The following PHLPP1 variants were observed in gnomAD, a reference collection of about 807,000 sequenced individuals.
The protein encoded by PHLPP1 is PH domain and leucine rich repeat protein phosphatase 1.
A neutral mutation model predicts 117.2 loss-of-function variants in PHLPP1; 42 were observed. That is an observed-to-expected ratio of 0.36 (90% CI 0.28 to 0.46). The LOEUF (loss-of-function observed/expected upper bound fraction) is 0.46, where lower values mean the gene tolerates loss of function less well. Among genes scored for constraint, PHLPP1 ranks in the 20% least tolerant of loss-of-function variants. The pLI is 1.00. For synonymous variants in PHLPP1, 1,042 were observed against 970.7 expected (o/e 1.07, Z -1.37); for missense variants, 2,084 against 2,241.9 (o/e 0.93, Z 1.42).
chr18:62,816,250 A>G (rs943457778), intron 1 of PHLPP1, among the ~76,000 whole-genome samples: 1 of 152,150 alleles, frequency 6.6e-6, no homozygotes, highest in Non-Finnish European at 1.5e-5. Flanking sequence ...ATTAATGTAC[A>G]CTCATATCAG....
chr18:62,913,540 T>G (rs377312582), intron 8 of PHLPP1, among the ~76,000 whole-genome samples: 1 of 152,188 alleles, frequency 6.6e-6, no homozygotes, highest in Non-Finnish European at 1.5e-5. Context: ...TTTCACAGAA[T>G]TACTCATCTG....
At chr18:62,746,827 G>T (rs1396023449) in intron 1 of PHLPP1, among the ~76,000 whole-genome samples, 4 of 151,934 alleles carry the variant, frequency 2.6e-5, no homozygotes, top group African/African-American at 9.7e-5. Flanking sequence ...AAGTTTGCTG[G>T]TGCATAGCAA....
Position 62,716,427 on chromosome 18 carries a change from G to A in PHLPP1, c.744G>A (p.Leu248=). ...AAGGCGGCGGCGTGGTGAAGGTGCT[G>A]GGCCAGGGGCCCGGAGCCGCCGCCG... ...GHKGGGVVKV[L]GQGPGAAAAR... The change falls in exon 1 of 17, where the codon CTG becomes CTA. Residue 248 remains leucine (L), a synonymous_variant. Transcript: ENST00000262719. This position sits in a 1 kb window ranked among gnomAD's most constrained non-coding sequence, Gnocchi z 5.7. 7.2e-7 allele frequency: 1 copy of A among 1,386,166 alleles called. No individual in the cohort carries two copies. The highest frequency in any genetic ancestry group is 9.3e-7 in the Non-Finnish European group (1 of 1,071,634). The allele number at this position is 1,386,166 out of a possible 1,614,324, so 85.9% of individuals were successfully genotyped here. A position where few individuals can be genotyped will look rare whatever the true frequency, so the allele number is the denominator to read the frequency against.
intron 13 of PHLPP1, among the ~76,000 whole-genome samples, chr18:62,960,039 A>G (rs370855521): frequency 1.7e-4 from 26 of 152,334 alleles, no homozygotes; most frequent in East Asian, 1.5e-3. Flanking sequence ...TCAAGAAAAC[A>G]TGGATTATCA....
chr18:62,846,309 CAAGAAAAGTTTGT>C (rs1257345943), intron 3 of PHLPP1, among the ~76,000 whole-genome samples: 2 of 149,832 alleles, frequency 1.3e-5, no homozygotes, highest in East Asian at 3.9e-4. Flanking sequence ...TCTGTAGTGA[CAAGAAAAGTTTGT>C]GAGAAAAGTT....
chr18:62,762,199 C>G (rs935009556), intron 1 of PHLPP1, among the ~76,000 whole-genome samples: 1 of 151,714 alleles, frequency 6.6e-6, no homozygotes, highest in Admixed American at 6.6e-5. Context: ...TACTTTGTAT[C>G]TAGTTCAGGT....
chr18:62,747,027 A>G (rs1024100484), intron 1 of PHLPP1, among the ~76,000 whole-genome samples: 1 of 152,074 alleles, frequency 6.6e-6, no homozygotes, highest in Non-Finnish European at 1.5e-5. Context: ...ATTTAAGTCT[A>G]CTACATTTCA....
chr18:62,953,849 G>A (rs1910537081), intron 12 of PHLPP1, among the ~76,000 whole-genome samples: 1 of 152,292 alleles, frequency 6.6e-6, no homozygotes, highest in South Asian at 2.1e-4. Flanking sequence ...TGGTGGACTG[G>A]GGATAGTCTG....
At chr18:62,808,297 A>T (rs1359571905) in intron 1 of PHLPP1, among the ~76,000 whole-genome samples, 1 of 152,134 alleles carries the variant, frequency 6.6e-6, no homozygotes, top group African/African-American at 2.4e-5. Flanking sequence ...AGTGAAGAAG[A>T]CTGGGCTGGA....
At chr18:62,738,129 A>G (rs1911420714) in intron 1 of PHLPP1, among the ~76,000 whole-genome samples, 1 of 151,904 alleles carries the variant, frequency 6.6e-6, no homozygotes, top group Non-Finnish European at 1.5e-5. Flanking sequence ...GAAAATATTC[A>G]GGAAAAAAAA....
intron 1 of PHLPP1, among the ~76,000 whole-genome samples, chr18:62,760,346 C>G (rs1316326121): frequency 6.6e-6 from 1 of 152,136 alleles, no homozygotes; most frequent in African/African-American, 2.4e-5. Flanking sequence ...TGCCTTGGCC[C>G]TGTAGGCATT....
At chr18:62,824,991 A>G (rs1298854471) in intron 1 of PHLPP1, among the ~76,000 whole-genome samples, 1 of 151,790 alleles carries the variant, frequency 6.6e-6, no homozygotes, top group South Asian at 2.1e-4. Flanking sequence ...CAGTGGCACA[A>G]TCTCAGCTCA....
At chr18:62,899,097 G>T (rs1256475026) in intron 6 of PHLPP1, among the ~76,000 whole-genome samples, 2 of 152,134 alleles carry the variant, frequency 1.3e-5, no homozygotes, top group Non-Finnish European at 1.5e-5. Flanking sequence ...ACTGCGCCTG[G>T]CCTCAACTAA....
At chr18:62,919,914 CT>C in intron 9 of PHLPP1, 44 bp from the exon 10 acceptor site, 4 of 1,423,186 alleles carry the variant, frequency 2.8e-6, no homozygotes, top group Non-Finnish European at 3.9e-6. Context: ...TTTAAGTATT[CT>C]TTACTCTTTT....
intron 2 of PHLPP1, among the ~76,000 whole-genome samples, chr18:62,832,637 A>T (rs979465782): frequency 9.9e-5 from 15 of 152,204 alleles, no homozygotes; most frequent in Admixed American, 9.2e-4. Flanking sequence ...CTATGCCTTT[A>T]AAAAATAATT....
At chr18:62,829,708 C>T (rs1237473732) in intron 1 of PHLPP1, among the ~76,000 whole-genome samples, 9 of 151,976 alleles carry the variant, frequency 5.9e-5, no homozygotes, top group African/African-American at 1.2e-4. Flanking sequence ...GTCGAGATTG[C>T]GCCACTGCAC....
intron 1 of PHLPP1, among the ~76,000 whole-genome samples, chr18:62,780,999 AGCAT>A (rs901399534): frequency 2.6e-5 from 4 of 152,184 alleles, no homozygotes; most frequent in Non-Finnish European, 4.4e-5. Context: ...CAATGGGAAA[AGCAT>A]GCATTTAGAC....
chr18:62,933,137 T>G (rs918839774), intron 10 of PHLPP1, among the ~76,000 whole-genome samples: 1 of 152,190 alleles, frequency 6.6e-6, no homozygotes, highest in African/African-American at 2.4e-5. Flanking sequence ...TGGAAAAACA[T>G]TCCATGCTCG....
intron 1 of PHLPP1, among the ~76,000 whole-genome samples, chr18:62,797,547 G>T (rs1203434388): frequency 5.3e-5 from 8 of 152,220 alleles, no homozygotes. Context: ...CAGATGGACG[G>T]TCAGGGCAGG....
Sources: allele counts gnomAD v4.1 joint callset (sites outside exome capture counted in the v4.1 genomes callset), GRCh38; gene constraint gnomAD v4.1.1; non-coding constraint Gnocchi (gnomAD v3.1); transcripts MANE v1.5; gene names NCBI Gene and HGNC (gene_info 2026-07-23, HGNC 2026-07-21).